The following RBMS1 variants were observed in gnomAD, a reference collection of about 807,000 sequenced individuals.
RBMS1 encodes RNA-binding motif, single-stranded-interacting protein 1.
In RBMS1, 17 loss-of-function variants were observed where a neutral mutation model predicts 62.3. That is an observed-to-expected ratio of 0.27 (90% confidence interval 0.19 to 0.41). RBMS1 has a LOEUF of 0.41. RBMS1 is among the 10% of genes least tolerant of loss of function. The pLI, the probability that RBMS1 is intolerant of heterozygous loss-of-function variation, is 1.00. For synonymous variants in RBMS1, 172 were observed against 170.0 expected (o/e 1.01, Z -0.09); for missense variants, 334 against 504.5 (o/e 0.66, Z 3.24).
At chr2:160,333,592 A>C (rs1691400027) in intron 2 of RBMS1, among the ~76,000 whole-genome samples, 1 of 152,146 alleles carries the variant, frequency 6.6e-6, no homozygotes, top group Admixed American at 6.5e-5. Flanking sequence ...ACTCAGAAGG[A>C]AGGCAGGGAA....
intron 1 of RBMS1, among the ~76,000 whole-genome samples, chr2:160,442,916 G>C (rs1327887006): frequency 6.6e-6 from 1 of 152,110 alleles, no homozygotes; most frequent in Non-Finnish European, 1.5e-5. Flanking sequence ...AAATTAAAAT[G>C]ACCTTGAGGC....
intron 1 of RBMS1, among the ~76,000 whole-genome samples, chr2:160,439,568 A>T (rs1435499074): frequency 6.8e-6 from 1 of 146,510 alleles, no homozygotes; most frequent in Non-Finnish European, 1.5e-5. Context: ...CTCACTTTCC[A>T]GACTGGGCAG....
chr2:160,284,503 C>G, intron 9 of RBMS1: 1 of 423,350 alleles, frequency 2.4e-6, no homozygotes, highest in Non-Finnish European at 4.3e-6. Context: ...AAGCAGGGCC[C>G]CTTGGTGAAG....
chr2:160,468,154 G>A (rs1189400693), intron 1 of RBMS1, among the ~76,000 whole-genome samples: 2 of 152,160 alleles, frequency 1.3e-5, no homozygotes, highest in African/African-American at 4.8e-5. Flanking sequence ...GAGGAAAGGT[G>A]TGCATTAGAA....
intron 1 of RBMS1, among the ~76,000 whole-genome samples, chr2:160,447,905 TCTGAGTCTTACTCATCA>T (rs1372562596): frequency 6.6e-6 from 1 of 152,220 alleles, no homozygotes; most frequent in East Asian, 1.9e-4. Flanking sequence ...AAGACTCTGA[TCTGAGTCTTACTCATCA>T]CTGAATCCTT....
chr2:160,323,052 T>G, intron 2 of RBMS1, among the ~76,000 whole-genome samples: 1 of 152,158 alleles, frequency 6.6e-6, no homozygotes, highest in East Asian at 1.9e-4. Context: ...TATAGACAGT[T>G]AACATTTAAT....
chr2:160,445,288 A>T (rs944227845), intron 1 of RBMS1, among the ~76,000 whole-genome samples: 1 of 152,254 alleles, frequency 6.6e-6, no homozygotes, highest in African/African-American at 2.4e-5. Context: ...AAAGAAACAT[A>T]AAAGCTTCTG....
chr2:160,347,012 T>A (rs756727814), intron 2 of RBMS1, among the ~76,000 whole-genome samples: 1 of 152,120 alleles, frequency 6.6e-6, no homozygotes, highest in Non-Finnish European at 1.5e-5. Context: ...TATTTTCTTA[T>A]CACCAGTGAA....
chr2:160,347,865 G>A (rs183157719), intron 2 of RBMS1, among the ~76,000 whole-genome samples: 1 of 151,956 alleles, frequency 6.6e-6, no homozygotes, highest in South Asian at 2.1e-4. Context: ...TGTTTGAATA[G>A]AGTGCTTTAT....
chr2:160,426,172 G>T (rs978660664), intron 1 of RBMS1, among the ~76,000 whole-genome samples: 1 of 150,210 alleles, frequency 6.7e-6, no homozygotes, highest in East Asian at 1.9e-4. Flanking sequence ...CAATTAAAGT[G>T]TTGCCTGGTG....
intron 9 of RBMS1, 123 bp downstream of exon 9, chr2:160,284,652 C>T: frequency 1.3e-6 from 1 of 779,262 alleles, no homozygotes; most frequent in Non-Finnish European, 2.2e-6. Context: ...AATTGGGTAT[C>T]CAAGCTGCAT....
At chr2:160,389,756 C>A (rs1363659851) in intron 1 of RBMS1, among the ~76,000 whole-genome samples, 3 of 98,490 alleles carry the variant, frequency 3.0e-5, no homozygotes, top group East Asian at 3.0e-4. Context: ...AATTAACCAA[C>A]AATCACATAA....
At chr2:160,326,419 C>G (rs779051013) in intron 2 of RBMS1, among the ~76,000 whole-genome samples, 2 of 152,032 alleles carry the variant, frequency 1.3e-5, no homozygotes, top group Non-Finnish European at 2.9e-5. Context: ...GAGGGAAGGT[C>G]AAGTTGAGTA....
chr2:160,382,016 T>A (rs1356478852), intron 1 of RBMS1, among the ~76,000 whole-genome samples: 10 of 152,214 alleles, frequency 6.6e-5, no homozygotes, highest in African/African-American at 2.4e-4. Flanking sequence ...CCTACCAGCC[T>A]GTCAACCCCT....
intron 1 of RBMS1, among the ~76,000 whole-genome samples, chr2:160,436,215 C>A (rs578104322): frequency 2.6e-5 from 4 of 152,300 alleles, no homozygotes; most frequent in African/African-American, 9.6e-5. Flanking sequence ...GTGGCTTTGA[C>A]CAATAATGTG....
chr2:160,454,915 A>G (rs920937001), intron 1 of RBMS1, among the ~76,000 whole-genome samples: 3 of 152,252 alleles, frequency 2.0e-5, no homozygotes, highest in African/African-American at 7.2e-5. Context: ...ACTTAGTATA[A>G]TAATTATTTG....
At chr2:160,363,357 G>C (rs1209379326) in intron 2 of RBMS1, among the ~76,000 whole-genome samples, 1 of 152,190 alleles carries the variant, frequency 6.6e-6, no homozygotes, top group East Asian at 1.9e-4. Flanking sequence ...TGCTGATTAT[G>C]AGCTGGCAAT....
chr2:160,330,618 G>GTT (rs71003488), intron 2 of RBMS1, among the ~76,000 whole-genome samples: 64 of 141,540 alleles, frequency 4.5e-4, no homozygotes, highest in Admixed American at 9.1e-4. Context: ...ATGAAAATAT[G>GTT]TTTTTTTTTT....
chr2:160,364,603 T>C (rs1313366195), intron 2 of RBMS1, among the ~76,000 whole-genome samples: 1 of 152,168 alleles, frequency 6.6e-6, no homozygotes, highest in Non-Finnish European at 1.5e-5. Context: ...TATCACAACA[T>C]CTGCTTTTCC....
Sources: gnomAD v4.1 joint callset for allele counts (sites outside exome capture counted in the v4.1 genomes callset) on GRCh38, gnomAD v4.1.1 for gene constraint, MANE v1.5 for transcripts, NCBI Gene and HGNC (gene_info 2026-07-23, HGNC 2026-07-21) for gene names.